The following TRIT1 variants were observed in gnomAD, a reference collection of about 807,000 sequenced individuals.
TRIT1 encodes tRNA isopentenyltransferase 1.
TRIT1 carries 43 observed loss-of-function variants against 51.2 expected under a neutral mutation model. The observed-to-expected ratio is 0.84, with a 90% confidence interval of 0.66 to 1.08. The LOEUF (loss-of-function observed/expected upper bound fraction) is 1.08. Ranked by LOEUF, TRIT1 falls within the 50% of genes least tolerant of loss-of-function variation. The pLI, the probability that TRIT1 is intolerant of heterozygous loss-of-function variation, is 0.00. For missense variants in TRIT1, 528 were observed against 578.4 expected (o/e 0.91, Z 0.89); for synonymous variants, 184 against 203.9 (o/e 0.90, Z 0.83).
At chr1:39,861,583 A>G (rs939972649) in intron 1 of TRIT1, among the ~76,000 whole-genome samples, 1 of 152,166 alleles carries the variant, frequency 6.6e-6, no homozygotes, top group African/African-American at 2.4e-5. Flanking sequence ...TAAACAGACA[A>G]ACAAAATGTG....
chr1:39,882,541 A>G (rs1644296155), intron 1 of TRIT1, among the ~76,000 whole-genome samples: 1 of 152,120 alleles, frequency 6.6e-6, no homozygotes, highest in African/African-American at 2.4e-5. Context: ...TGTGATGTAC[A>G]CCCCTTCTGG....
intron 4 of TRIT1, among the ~76,000 whole-genome samples, chr1:39,851,561 T>A (rs936292138): frequency 2.0e-5 from 3 of 152,206 alleles, no homozygotes; most frequent in Non-Finnish European, 4.4e-5. Flanking sequence ...AATGAGGTTA[T>A]ACATTGCCTT....
intron 8 of TRIT1, 99 bp from the exon 9 acceptor site, chr1:39,844,739 A>T: frequency 1.3e-6 from 1 of 783,804 alleles, no homozygotes; most frequent in Non-Finnish European, 2.2e-6. Context: ...ACAGAGCCAA[A>T]GGAGTAAACA....
chr1:39,864,581 G>A (rs1252469974), intron 1 of TRIT1, among the ~76,000 whole-genome samples: 1 of 135,896 alleles, frequency 7.4e-6, no homozygotes, highest in African/African-American at 2.9e-5. Context: ...TGCACTGACA[G>A]AGCGAGACTC....
chr1:39,861,400 G>C (rs989152285), intron 1 of TRIT1, among the ~76,000 whole-genome samples: 2 of 152,038 alleles, frequency 1.3e-5, no homozygotes, highest in Admixed American at 6.6e-5. Flanking sequence ...AAACAATATG[G>C]CAGTTCCTCA....
At chr1:39,854,147 T>C (rs1570022162) in intron 2 of TRIT1, 79 bp from the exon 3 acceptor site, 1 of 1,031,456 alleles carries the variant, frequency 9.7e-7, no homozygotes, top group East Asian at 2.4e-5. Flanking sequence ...AGAAACCACA[T>C]TCATTTATCT....
At chr1:39,855,673 G>A (rs1642852648) in intron 2 of TRIT1, among the ~76,000 whole-genome samples, 1 of 152,114 alleles carries the variant, frequency 6.6e-6, no homozygotes, top group Non-Finnish European at 1.5e-5. Context: ...TTAACAAAGG[G>A]AAAGTGAGCA....
chr1:39,851,617 C>A (rs114864137), intron 4 of TRIT1, among the ~76,000 whole-genome samples: 1 of 152,024 alleles, frequency 6.6e-6, no homozygotes, highest in South Asian at 2.1e-4. Flanking sequence ...GCCCCACCCC[C>A]CTGCCGTGCA....
chr1:39,859,811 A>G (rs201059230), intron 1 of TRIT1, among the ~76,000 whole-genome samples: 59 of 152,168 alleles, frequency 3.9e-4, no homozygotes, highest in Non-Finnish European at 7.2e-4. Flanking sequence ...AAAGGATTCT[A>G]AATTTTTACA....
chr1:39,881,227 C>CAA (rs56205358), intron 1 of TRIT1, among the ~76,000 whole-genome samples: 4 of 80,148 alleles, frequency 5.0e-5, no homozygotes, highest in Non-Finnish European at 8.2e-5. Context: ...ACTCTGTCTC[C>CAA]AAAAAAAAAA....
At chr1:39,866,011 GGAAAA>G (rs1381747968) in intron 1 of TRIT1, among the ~76,000 whole-genome samples, 1 of 137,004 alleles carries the variant, frequency 7.3e-6, no homozygotes, top group Admixed American at 7.7e-5. Context: ...AGAAAGGGAA[GGAAAA>G]GAAAAGAAAG....
intron 1 of TRIT1, among the ~76,000 whole-genome samples, chr1:39,869,009 G>A (rs1050754704): frequency 1.3e-5 from 2 of 151,956 alleles, no homozygotes; most frequent in Admixed American, 6.5e-5. Flanking sequence ...GCAGTGAGCC[G>A]AGATCGTGCC....
intron 1 of TRIT1, among the ~76,000 whole-genome samples, chr1:39,870,868 C>T (rs1375032902): frequency 6.6e-6 from 1 of 152,114 alleles, no homozygotes; most frequent in Non-Finnish European, 1.5e-5. Flanking sequence ...TCTTTATAAT[C>T]ACCAAAAACC....
At chr1:39,864,867 C>T (rs1643448874) in intron 1 of TRIT1, among the ~76,000 whole-genome samples, 1 of 152,294 alleles carries the variant, frequency 6.6e-6, no homozygotes, top group South Asian at 2.1e-4. Context: ...TAGCTGTCTA[C>T]AAGCAAAAGG....
At position 39,852,827 on chromosome 1, in the gene TRIT1, T is replaced by C; in HGVS notation, c.464A>G (p.Glu155Gly). 6.2e-7 allele frequency: 1 copy of C among 1,614,202 alleles called. No individual in the cohort carries two copies. The highest frequency in any genetic ancestry group is 1.1e-5 in the South Asian group (1 of 91,088). Reference sequence around the variant, plus strand: ...GTGAAGTACAAGACCATCCTCCTTTTCAAGCTCCACTTTTCGGTCAATCAC... The same window carrying C: ...GTGAAGTACAAGACCATCCTCCTTTCCAAGCTCCACTTTTCGGTCAATCAC... ...EKVIDRKVELEKEDGLVLHKR... is the reference protein window; with the variant it reads ...EKVIDRKVELGKEDGLVLHKR... The change falls in exon 4 of 11, where the codon GAA (glutamate) becomes GGA (glycine). Residue 155 changes from glutamate to glycine, a missense_variant. Physicochemically the swap from Glu to Gly is moderately conservative, Grantham distance 98. Transcript: ENST00000316891.
chr1:39,869,515 C>T (rs988031958), intron 1 of TRIT1, among the ~76,000 whole-genome samples: 2 of 152,348 alleles, frequency 1.3e-5, no homozygotes, highest in Admixed American at 6.5e-5. Flanking sequence ...AGCCTCTGCC[C>T]GGCCGCCACC....
At chr1:39,847,393 G>T in intron 7 of TRIT1, 96 bp from the exon 8 acceptor site, 1 of 1,451,850 alleles carries the variant, frequency 6.9e-7, no homozygotes, top group Non-Finnish European at 9.6e-7. Flanking sequence ...AGTCAGCCAC[G>T]GCAGTGCAAT....
In TRIT1 at chr1:39,860,343, AT is replaced by A. The variant is rs1643165197; in HGVS notation, c.175-2927del. 2.0e-5 allele frequency among the ~76,000 whole-genome samples: 3 copies of A among 152,248 alleles called. No individual in the cohort carries two copies. In the South Asian group the frequency reaches 6.2e-4, roughly 31 times the overall value. Reference sequence around the variant, plus strand: ...GATACAGACTAGACATCTGATTTACATATAATATGGTTTTATGGGTATGTTT... The same window carrying A: ...GATACAGACTAGACATCTGATTTACAATAATATGGTTTTATGGGTATGTTT... On this transcript the variant is annotated intron_variant, in intron 1 of 10. Coordinates refer to ENST00000316891, the MANE Select transcript of TRIT1 (RefSeq NM_017646.6).
chr1:39,843,440 CT>C (rs1642036392), intron 10 of TRIT1, among the ~76,000 whole-genome samples: 2 of 152,184 alleles, frequency 1.3e-5, no homozygotes, highest in Non-Finnish European at 2.9e-5. Flanking sequence ...TGCAGTGTGA[CT>C]CTGTGGCAGA....
Sources: gnomAD v4.1 joint callset for allele counts (sites outside exome capture counted in the v4.1 genomes callset) on GRCh38, gnomAD v4.1.1 for gene constraint, MANE v1.5 for transcripts, NCBI Gene and HGNC (gene_info 2026-07-23, HGNC 2026-07-21) for gene names.